Variants in MMD2 observed in about 807,000 individuals in gnomAD.
The protein encoded by MMD2 is monocyte to macrophage differentiation associated 2, also known as monocyte to macrophage differentiation factor 2.
A neutral mutation model predicts 33.5 loss-of-function variants in MMD2; 30 were observed. The observed-to-expected ratio is 0.90, with a 90% CI of 0.67 to 1.22. The LOEUF (loss-of-function observed/expected upper bound fraction) is 1.22, where lower values mean the gene tolerates loss of function less well. Ranked by LOEUF, MMD2 falls within the 50% of genes most tolerant of loss-of-function variation. The probability of loss-of-function intolerance (pLI) is 0.00; values close to 1 mark genes in which losing one functional copy is unlikely to be tolerated. For synonymous variants in MMD2, 129 were observed against 123.0 expected, an observed-to-expected ratio of 1.05 and a Z score of -0.32; for missense variants, 364 against 325.4, an observed-to-expected ratio of 1.12 and a Z score of -0.91.
chr7:4,948,345 T>A (rs1786148007), intron 1 of MMD2, among the ~76,000 whole-genome samples: 1 of 151,714 alleles, frequency 6.6e-6, no homozygotes, highest in Non-Finnish European at 1.5e-5. Context: ...TTGGGGGGGA[T>A]CCCCATCTCT....
At chr7:4,935,840 G>T (rs1381380465) in intron 1 of MMD2, among the ~76,000 whole-genome samples, 2 of 152,044 alleles carry the variant, frequency 1.3e-5, no homozygotes, top group African/African-American at 4.8e-5. Context: ...GGATTCTCAA[G>T]ATCTTTCTAC....
intron 1 of MMD2, among the ~76,000 whole-genome samples, chr7:4,951,653 G>T (rs1384486592): frequency 6.6e-6 from 1 of 152,168 alleles, no homozygotes; most frequent in Non-Finnish European, 1.5e-5. Context: ...AGGCTGGAAT[G>T]CAGTGGCACA....
chr7:4,908,638 G>A (rs1036309891), intron 6 of MMD2, among the ~76,000 whole-genome samples: 29 of 151,624 alleles, frequency 1.9e-4, no homozygotes, highest in Non-Finnish European at 8.8e-5. Context: ...GGTGGCTCAC[G>A]CCTATAATCC....
intron 1 of MMD2, among the ~76,000 whole-genome samples, chr7:4,950,341 G>T (rs1322490885): frequency 6.6e-6 from 1 of 151,958 alleles, no homozygotes; most frequent in East Asian, 1.9e-4. Flanking sequence ...CAGGTGGTCC[G>T]CCTGCCTCGG....
intron 1 of MMD2, among the ~76,000 whole-genome samples, chr7:4,941,266 G>A (rs917543002): frequency 6.6e-6 from 1 of 152,208 alleles, no homozygotes; most frequent in Non-Finnish European, 1.5e-5. Flanking sequence ...GCCAATCAGA[G>A]TGTCCCAGGT....
chr7:4,896,385 CAG>C, the MMD2 span, among the ~76,000 whole-genome samples: 1 of 152,152 alleles, frequency 6.6e-6, no homozygotes, highest in African/African-American at 2.4e-5. Context: ...GAGGCTGAGA[CAG>C]GAGAATTGCT....
chr7:4,939,873 G>A (rs560395279), intron 1 of MMD2, among the ~76,000 whole-genome samples: 1 of 152,056 alleles, frequency 6.6e-6, no homozygotes, highest in East Asian at 1.9e-4. Context: ...CTGAGTAGGT[G>A]GGACTACAGG....
In MMD2 at chr7:4,925,551, T is replaced by A. The variant is rs1254967017; in HGVS notation, c.48-19A>T. 1 of 1,550,946 alleles carries A rather than the reference T, an allele frequency of 6.4e-7. No individual in the cohort carries two copies. The highest frequency in any genetic ancestry group is 1.2e-5 in the South Asian group (1 of 83,372). ...CATGAACCTGGAAGGAGAGGGAGAA[T>A]TCCAGGAAGCTCCGCTGGGCAAGAG... On this transcript the variant is annotated intron_variant, in intron 1 of 6. Transcript: ENST00000401401.
At position 4,915,640 on chromosome 7, in the gene MMD2, A is replaced by T. The variant is rs538156077; in HGVS notation, c.365+365T>A. On this transcript the variant is annotated intron_variant, in intron 4 of 6. Transcript: ENST00000401401. ...CTGTAATCCCAGCTACTCGGGAGGCAGAGGCAGGAGAATCGCTTCAACCAG... is the reference window on the plus strand; with the variant it reads ...CTGTAATCCCAGCTACTCGGGAGGCTGAGGCAGGAGAATCGCTTCAACCAG... Among the ~76,000 whole-genome samples the T allele has an allele frequency of 2.2e-3, 334 of 151,818 alleles. 1 individual carries two copies. The highest frequency in any genetic ancestry group is 7.4e-3 in the African/African-American group (305 of 41,406).
At chr7:4,927,923 G>A (rs559350090) in intron 1 of MMD2, among the ~76,000 whole-genome samples, 18 of 152,226 alleles carry the variant, frequency 1.2e-4, no homozygotes, top group African/African-American at 3.9e-4. Flanking sequence ...GGTTGACTCC[G>A]ACGTCTGGTT....
chr7:4,952,793 G>A (rs933914785), intron 1 of MMD2, among the ~76,000 whole-genome samples: 12 of 150,586 alleles, frequency 8.0e-5, no homozygotes, highest in African/African-American at 2.9e-4. Context: ...CTGGGTTCAA[G>A]CAATTCTCCT....
At chr7:4,933,156 G>A (rs555212617) in intron 1 of MMD2, among the ~76,000 whole-genome samples, 7 of 151,588 alleles carry the variant, frequency 4.6e-5, no homozygotes, top group Admixed American at 1.3e-4. Flanking sequence ...CGAGAGGATC[G>A]CTTGAGACCA....
At chr7:4,912,271 A>T (rs997209266) in intron 4 of MMD2, among the ~76,000 whole-genome samples, 5 of 151,950 alleles carry the variant, frequency 3.3e-5, no homozygotes, top group Non-Finnish European at 5.9e-5. Flanking sequence ...TAAAGAGATA[A>T]CTGTTGGCCG....
the MMD2 span, among the ~76,000 whole-genome samples, chr7:4,893,404 A>ATTTATTTT: frequency 7.6e-6 from 1 of 131,394 alleles, no homozygotes; most frequent in Non-Finnish European, 1.6e-5. Context: ...TTATTTATTT[A>ATTTATTTT]TTTTTGAGAC....
the MMD2 span, among the ~76,000 whole-genome samples, chr7:4,900,905 T>G: frequency 1.3e-5 from 2 of 151,824 alleles, no homozygotes; most frequent in South Asian, 2.1e-4. Context: ...TTTGGGAGCC[T>G]AAGGTGGGTG....
At chr7:4,916,995 C>T (rs765438905) in intron 3 of MMD2, among the ~76,000 whole-genome samples, 26 of 152,074 alleles carry the variant, frequency 1.7e-4, no homozygotes, top group Non-Finnish European at 3.5e-4. Flanking sequence ...TCTCTTGACC[C>T]TGGGAGGTGG....
chr7:4,912,630 T>C (rs763332378), intron 4 of MMD2, among the ~76,000 whole-genome samples: 11 of 151,950 alleles, frequency 7.2e-5, no homozygotes, highest in Non-Finnish European at 1.5e-4. Flanking sequence ...AGTGGTTTTG[T>C]CTGGAAAGGT....
chr7:4,911,039 C>T, intron 5 of MMD2, 106 bp downstream of exon 5: 1 of 962,234 alleles, frequency 1.0e-6, no homozygotes, highest in East Asian at 2.7e-5. Context: ...GAGCTGTGCT[C>T]TCACGATTAT....
At chr7:4,956,007 T>G (rs1328492838) in intron 1 of MMD2, among the ~76,000 whole-genome samples, 1 of 151,656 alleles carries the variant, frequency 6.6e-6, no homozygotes, top group Non-Finnish European at 1.5e-5. Flanking sequence ...GAGCAGAGAT[T>G]GCGCCATTGC....
Sources: gnomAD v4.1 joint callset for allele counts (sites outside exome capture counted in the v4.1 genomes callset) on GRCh38, gnomAD v4.1.1 for gene constraint, MANE v1.5 for transcripts, NCBI Gene and HGNC (gene_info 2026-07-23, HGNC 2026-07-21) for gene names.